The following PLCE1 variants were observed in gnomAD, a reference collection of about 807,000 sequenced individuals.
PLCE1 encodes phospholipase C epsilon 1.
PLCE1 carries 119 observed loss-of-function variants against 242.8 expected under a neutral mutation model. That is an observed-to-expected ratio of 0.49 (90% confidence interval 0.42 to 0.57). The LOEUF (loss-of-function observed/expected upper bound fraction) is 0.57. Among genes scored for constraint, PLCE1 ranks in the 20% least tolerant of loss-of-function variants. PLCE1 has a pLI of 0.00. For missense variants in PLCE1, 2,441 were observed against 2,788.8 expected (o/e 0.88, Z 2.81); for synonymous variants, 945 against 1,017.4 (o/e 0.93, Z 1.35).
chr10:94,208,232 G>C (rs1282967315), intron 4 of PLCE1, among the ~76,000 whole-genome samples: 1 of 152,196 alleles, frequency 6.6e-6, no homozygotes, highest in Non-Finnish European at 1.5e-5. Context: ...TGATGCAAAA[G>C]TTCCACATCC....
At chr10:94,253,290 G>A (rs950187806) in intron 9 of PLCE1, among the ~76,000 whole-genome samples, 6 of 152,204 alleles carry the variant, frequency 3.9e-5, no homozygotes, top group Non-Finnish European at 5.9e-5. Flanking sequence ...GGCAGAAGGT[G>A]AAGCGGGAGC....
intron 1 of PLCE1, among the ~76,000 whole-genome samples, chr10:94,025,827 T>C (rs1308465039): frequency 6.6e-6 from 1 of 152,192 alleles, no homozygotes; most frequent in Non-Finnish European, 1.5e-5. Context: ...CCCACATAGT[T>C]TTCTTGCTCT....
chr10:94,295,342 G>A (rs2052776926), intron 23 of PLCE1, among the ~76,000 whole-genome samples: 1 of 152,192 alleles, frequency 6.6e-6, no homozygotes, highest in African/African-American at 2.4e-5. Context: ...TTCGCCAAGA[G>A]TAGATTCCAT....
chr10:94,149,956 G>T (rs1224550757), intron 3 of PLCE1, among the ~76,000 whole-genome samples: 1 of 152,140 alleles, frequency 6.6e-6, no homozygotes, highest in Non-Finnish European at 1.5e-5. Flanking sequence ...ATCTGTAACT[G>T]TAGACAGAAA....
At chr10:94,318,364 T>C (rs2053648078) in intron 29 of PLCE1, among the ~76,000 whole-genome samples, 1 of 152,224 alleles carries the variant, frequency 6.6e-6, no homozygotes, top group Non-Finnish European at 1.5e-5. Context: ...ATGTAAAAAG[T>C]ATGTATCCTC....
chr10:94,284,741 G>T (rs569025590), intron 21 of PLCE1, 107 bp from the exon 22 acceptor site: 11 of 751,144 alleles, frequency 1.5e-5, no homozygotes, highest in Middle Eastern at 2.3e-4. Context: ...CATGCAAGGG[G>T]AAATACAGTA....
At chr10:94,180,252 ATATGTG>A (rs1554877817) in intron 4 of PLCE1, among the ~76,000 whole-genome samples, 21 of 152,102 alleles carry the variant, frequency 1.4e-4, no homozygotes, top group Non-Finnish European at 1.5e-5. Context: ...TATGATTTCA[ATATGTG>A]TAAAAATGTT....
chr10:94,054,917 C>G, intron 2 of PLCE1, among the ~76,000 whole-genome samples: 1 of 149,522 alleles, frequency 6.7e-6, no homozygotes, highest in Admixed American at 6.8e-5. Context: ...GAAGCTGAGG[C>G]AGGAGAATGG....
intron 2 of PLCE1, among the ~76,000 whole-genome samples, chr10:94,122,724 T>C (rs2046334008): frequency 1.3e-5 from 2 of 152,194 alleles, no homozygotes; most frequent in African/African-American, 4.8e-5. Context: ...CAGTCAGAGA[T>C]GAAAGGTAAC....
chr10:94,300,853 C>G (rs7897678), intron 24 of PLCE1, among the ~76,000 whole-genome samples: 47,242 of 151,390 alleles, frequency 0.31, 7,425 homozygotes, highest in Middle Eastern at 0.49. Flanking sequence ...TTCCGGCCAG[C>G]AGTTCGAGAC....
intron 4 of PLCE1, among the ~76,000 whole-genome samples, chr10:94,215,691 GA>G (rs2049497567): frequency 6.6e-6 from 1 of 152,198 alleles, no homozygotes; most frequent in Non-Finnish European, 1.5e-5. Context: ...GCAGCAGAGA[GA>G]GGATGGGTAA....
chr10:94,166,584 GT>G (rs2047812519), intron 3 of PLCE1, among the ~76,000 whole-genome samples: 1 of 71,068 alleles, frequency 1.4e-5, no homozygotes, highest in Non-Finnish European at 3.8e-5. Flanking sequence ...AAAAAGGTGT[GT>G]GTGTGTGTGT....
chr10:94,095,231 C>T (rs562879011), intron 2 of PLCE1, among the ~76,000 whole-genome samples: 2 of 152,358 alleles, frequency 1.3e-5, no homozygotes, highest in Admixed American at 6.5e-5. Context: ...AAGAAAGATG[C>T]ACTTTGTGTC....
At chr10:94,049,599 G>GTCTCTCTCTC (rs547011018) in intron 2 of PLCE1, among the ~76,000 whole-genome samples, 2 of 150,606 alleles carry the variant, frequency 1.3e-5, no homozygotes, top group Admixed American at 6.6e-5. Context: ...CTGTCTGTCT[G>GTCTCTCTCTC]TCTCTCTCTC....
At chr10:94,054,475 C>T (rs980109105) in intron 2 of PLCE1, among the ~76,000 whole-genome samples, 1 of 152,160 alleles carries the variant, frequency 6.6e-6, no homozygotes, top group Non-Finnish European at 1.5e-5. Context: ...ATTGGAGTTT[C>T]TGGAATAGTT....
chr10:94,082,569 C>T (rs900623036), intron 2 of PLCE1, among the ~76,000 whole-genome samples: 8 of 152,190 alleles, frequency 5.3e-5, no homozygotes, highest in African/African-American at 1.9e-4. Flanking sequence ...TTACCTCAAG[C>T]TCCTTGAGGG....
chr10:94,027,692 A>C (rs2061477042), intron 1 of PLCE1, among the ~76,000 whole-genome samples: 1 of 152,126 alleles, frequency 6.6e-6, no homozygotes, highest in Non-Finnish European at 1.5e-5. Context: ...GTGGTGGCAC[A>C]TGCCTGTAGT....
At chr10:94,205,298 G>A (rs1450316565) in intron 4 of PLCE1, among the ~76,000 whole-genome samples, 1 of 151,752 alleles carries the variant, frequency 6.6e-6, no homozygotes, top group Non-Finnish European at 1.5e-5. Flanking sequence ...GGGAAGAAGA[G>A]AGAGGGAGGG....
intron 2 of PLCE1, among the ~76,000 whole-genome samples, chr10:94,114,540 C>T (rs1326416748): frequency 1.3e-5 from 2 of 152,212 alleles, no homozygotes; most frequent in Non-Finnish European, 2.9e-5. Context: ...CCAAGATCTG[C>T]TCTGTTCTAA....
Sources: gnomAD v4.1 joint callset for allele counts (sites outside exome capture counted in the v4.1 genomes callset) on GRCh38, gnomAD v4.1.1 for gene constraint, MANE v1.5 for transcripts, NCBI Gene and HGNC (gene_info 2026-07-23, HGNC 2026-07-21) for gene names.